CUBN: variants seen among roughly 807,000 people sequenced by gnomAD.
The protein encoded by CUBN is 460 kDa receptor.
A neutral mutation model predicts 405.3 loss-of-function variants in CUBN; 282 were observed. The observed-to-expected ratio is 0.70, with a 90% CI of 0.63 to 0.77. CUBN has a LOEUF of 0.77. CUBN is among the 30% of genes least tolerant of loss of function. The pLI is 0.00. For missense variants in CUBN, 4,514 were observed against 4,475.2 expected (o/e 1.01, Z -0.25); for synonymous variants, 1,684 against 1,617.0 (o/e 1.04, Z -0.99).
At chr10:16,869,540 T>A (rs1840285931) in intron 59 of CUBN, 96 bp downstream of exon 59, 2 of 868,488 alleles carry the variant, frequency 2.3e-6, no homozygotes, top group African/African-American at 2.4e-5. Flanking sequence ...GGAAAAGCAA[T>A]CATAATCAGG....
chr10:16,882,643 A>T (rs1490717484), intron 56 of CUBN, among the ~76,000 whole-genome samples: 4 of 152,182 alleles, frequency 2.6e-5, no homozygotes, highest in African/African-American at 9.7e-5. Flanking sequence ...ACCAAAGAGG[A>T]CTAGAGATGA....
chr10:17,115,447 G>A (rs1039609097), intron 7 of CUBN, 24 bp downstream of exon 7: 5 of 1,613,062 alleles, frequency 3.1e-6, no homozygotes, highest in Admixed American at 3.3e-5. Context: ...TCTGCAAGGA[G>A]GCACATTTGG....
At chr10:16,864,541 A>T (rs916591845) in intron 59 of CUBN, among the ~76,000 whole-genome samples, 1 of 152,126 alleles carries the variant, frequency 6.6e-6, no homozygotes, top group African/African-American at 2.4e-5. Flanking sequence ...TCAGTTTTTT[A>T]GTAGATAAAA....
intron 17 of CUBN, among the ~76,000 whole-genome samples, chr10:17,074,491 T>C (rs146926490): frequency 6.6e-5 from 10 of 152,344 alleles, no homozygotes; most frequent in African/African-American, 2.4e-4. Context: ...TTATTGGGTA[T>C]AAAATCTCGC....
chr10:16,944,314 A>G (rs1003091506), intron 36 of CUBN, among the ~76,000 whole-genome samples: 1 of 152,158 alleles, frequency 6.6e-6, no homozygotes, highest in Admixed American at 6.5e-5. Flanking sequence ...CCATATTCAC[A>G]TTTTTGGTCA....
chr10:17,103,498 G>C (rs1333292731), intron 12 of CUBN, among the ~76,000 whole-genome samples: 1 of 152,080 alleles, frequency 6.6e-6, no homozygotes, highest in African/African-American at 2.4e-5. Flanking sequence ...CCCATTCTCT[G>C]TGTCCCTGTG....
intron 31 of CUBN, among the ~76,000 whole-genome samples, chr10:16,961,063 T>C (rs1169048150): frequency 6.6e-6 from 1 of 152,218 alleles, no homozygotes; most frequent in Admixed American, 6.5e-5. Flanking sequence ...ATGAAATTTC[T>C]TTTAATTAGT....
At chr10:17,110,866 G>C in intron 9 of CUBN, 53 bp downstream of exon 9, 2 of 1,612,738 alleles carry the variant, frequency 1.2e-6, no homozygotes, top group Non-Finnish European at 1.7e-6. Flanking sequence ...GTATTCCTAT[G>C]TCTGTGTTCC....
chr10:17,012,861 G>A (rs1196432570), intron 28 of CUBN, among the ~76,000 whole-genome samples: 1 of 152,134 alleles, frequency 6.6e-6, no homozygotes, highest in Non-Finnish European at 1.5e-5. Context: ...TTAATCACCT[G>A]GGAGGAACCA....
At chr10:16,962,393 T>C (rs1229857510) in intron 31 of CUBN, among the ~76,000 whole-genome samples, 2 of 149,074 alleles carry the variant, frequency 1.3e-5, no homozygotes, top group African/African-American at 2.5e-5. Context: ...TCCAGAAATA[T>C]GGGTAGGTAG....
At chr10:17,079,886 T>C (rs889772473) in intron 17 of CUBN, among the ~76,000 whole-genome samples, 1 of 152,100 alleles carries the variant, frequency 6.6e-6, no homozygotes, top group Non-Finnish European at 1.5e-5. Context: ...TGAATTTGCA[T>C]TCATCTAAAG....
chr10:16,919,355 T>C (rs894328261), intron 44 of CUBN, among the ~76,000 whole-genome samples: 7 of 152,198 alleles, frequency 4.6e-5, no homozygotes, highest in African/African-American at 1.7e-4. Context: ...AGATCTTATA[T>C]CCAAGTTTTG....
At chr10:16,919,260 C>T (rs181223700) in intron 44 of CUBN, among the ~76,000 whole-genome samples, 8 of 152,298 alleles carry the variant, frequency 5.3e-5, no homozygotes, top group Admixed American at 4.6e-4. Flanking sequence ...ATGTATCTAA[C>T]GTTTCTTCAG....
chr10:16,878,292 A>G (rs938310769), intron 56 of CUBN, among the ~76,000 whole-genome samples: 1 of 152,208 alleles, frequency 6.6e-6, no homozygotes, highest in South Asian at 2.1e-4. Flanking sequence ...CATCTCAAAT[A>G]AAATAAAACA....
Position 16,916,086 on chromosome 10 carries a change from G to A in CUBN, c.7001-56C>T, listed in dbSNP as rs45575134. On this transcript the variant is annotated intron_variant, in intron 45 of 66. Transcript: ENST00000377833. ...AGAAAGCAAGCAAGCAAGAAAGATT[G>A]ATTCTATTACAAATTTTGTTTTCTT... The A allele has an allele frequency of 1.2e-3, 1,891 of 1,553,618 alleles. 2 individuals carry two copies. The highest frequency in any genetic ancestry group is 1.5e-3 in the Non-Finnish European group (1,698 of 1,134,126).
chr10:17,111,478 A>T (rs1463860645), intron 8 of CUBN, among the ~76,000 whole-genome samples: 1 of 151,974 alleles, frequency 6.6e-6, no homozygotes, highest in Non-Finnish European at 1.5e-5. Flanking sequence ...TAGGGAAAAA[A>T]CCCTCAATTA....
At chr10:16,934,502 T>C (rs1408252680) in intron 39 of CUBN, among the ~76,000 whole-genome samples, 1 of 152,226 alleles carries the variant, frequency 6.6e-6, no homozygotes, top group Non-Finnish European at 1.5e-5. Flanking sequence ...AAAATCTGAA[T>C]GCTGAATGTT....
At chr10:16,844,269 CCAAAA>C (rs1839443819) in intron 60 of CUBN, among the ~76,000 whole-genome samples, 1 of 132,296 alleles carries the variant, frequency 7.6e-6, no homozygotes. Flanking sequence ...AACTCTGTCC[CCAAAA>C]AAAAAAAAAA....
intron 31 of CUBN, among the ~76,000 whole-genome samples, chr10:16,956,423 C>T (rs1221621160): frequency 6.6e-6 from 1 of 151,686 alleles, no homozygotes; most frequent in Non-Finnish European, 1.5e-5. Context: ...CTAACCAATT[C>T]AAATTATAAT....
Sources: allele counts gnomAD v4.1 joint callset (sites outside exome capture counted in the v4.1 genomes callset), GRCh38; gene constraint gnomAD v4.1.1; transcripts MANE v1.5; gene names NCBI Gene and HGNC (gene_info 2026-07-23, HGNC 2026-07-21).